Variants in ATG14 observed in about 807,000 individuals in gnomAD.
The protein encoded by ATG14 is beclin 1-associated autophagy-related key regulator.
A neutral mutation model predicts 60.4 loss-of-function variants in ATG14; 35 were observed. That is an observed-to-expected ratio of 0.58 (90% confidence interval 0.44 to 0.77). ATG14 has a LOEUF of 0.77. Among genes scored for constraint, ATG14 ranks in the 30% least tolerant of loss-of-function variants. ATG14 has a pLI of 0.00. For missense variants in ATG14, 647 were observed against 626.3 expected (o/e 1.03, Z -0.35); for synonymous variants, 234 against 228.8 (o/e 1.02, Z -0.21).
At chr14:55,371,546 C>G (rs866667945) in intron 9 of ATG14, among the ~76,000 whole-genome samples, 7 of 151,698 alleles carry the variant, frequency 4.6e-5, no homozygotes, top group Non-Finnish European at 1.0e-4. Context: ...GTGGCTCACA[C>G]CTGTAATCCC....
In ATG14 at chr14:55,368,973, GAA is replaced by G. The variant is rs776412146; in HGVS notation, c.*644_*645del. 1.3e-3 allele frequency: 199 copies of G among 152,598 alleles called. No homozygotes were observed. Among genetic ancestry groups the G allele is most frequent in the Non-Finnish European group, 2.6e-4 (18 of 67,986 alleles). The allele number at this position is 152,598 out of a possible 1,614,324, so 9.5% of individuals were successfully genotyped here. A position where few individuals can be genotyped will look rare whatever the true frequency, so the allele number is the denominator to read the frequency against. On this transcript the variant is annotated 3_prime_UTR_variant, in exon 10 of 10. Coordinates refer to ENST00000247178, the MANE Select transcript of ATG14 (RefSeq NM_014924.5). ...TCCATTTATGGATGTGGGTCCTAAA[GAA>G]AAAGACTTTCATTTTCTTTGGTGTG...
chr14:55,404,901 A>T (rs539377960), intron 1 of ATG14, among the ~76,000 whole-genome samples: 2 of 152,358 alleles, frequency 1.3e-5, no homozygotes, highest in Admixed American at 6.5e-5. Context: ...CTCTGCTTAA[A>T]ATACATTAAT....
chr14:55,396,455 T>C (rs1353282485), intron 2 of ATG14, among the ~76,000 whole-genome samples: 1 of 152,274 alleles, frequency 6.6e-6, no homozygotes, highest in African/African-American at 2.4e-5. Flanking sequence ...GTTTCTCTAA[T>C]ACAGAATATC....
At chr14:55,396,746 G>C (rs1885320094) in intron 2 of ATG14, among the ~76,000 whole-genome samples, 1 of 152,140 alleles carries the variant, frequency 6.6e-6, no homozygotes, top group Admixed American at 6.5e-5. Context: ...TGCATCTAGG[G>C]AGCAGGTTTT....
rs181614548 is a variant in ATG14 at position 55,396,269 on chromosome 14, C to T, written c.285-287G>A. Among the ~76,000 whole-genome samples the T allele has an allele frequency of 1.1e-4, 17 of 152,234 alleles. No homozygotes were observed. In the South Asian group the frequency reaches 2.1e-3, roughly 19 times the overall value. ...TCAGTCATCATCAGTAACTGCCATC[C>T]GTCATAATTCATAGCAATAGTTACA... On this transcript the variant is annotated intron_variant, in intron 2 of 9. Coordinates refer to ENST00000247178, the MANE Select transcript of ATG14 (RefSeq NM_014924.5).
intron 1 of ATG14, among the ~76,000 whole-genome samples, chr14:55,397,943 C>CTTTTTTTTT (rs928087584): frequency 3.8e-5 from 4 of 105,556 alleles, no homozygotes; most frequent in South Asian, 3.3e-4. Flanking sequence ...TGCAGTAATT[C>CTTTTTTTTT]TTTTTTTTTT....
intron 4 of ATG14, among the ~76,000 whole-genome samples, chr14:55,387,174 C>G (rs185672648): frequency 1.3e-5 from 2 of 152,296 alleles, no homozygotes; most frequent in East Asian, 3.9e-4. Flanking sequence ...CAGTGGTTCT[C>G]CACTGCCCAT....
At chr14:55,401,761 A>G (rs1160631464) in intron 1 of ATG14, among the ~76,000 whole-genome samples, 1 of 152,180 alleles carries the variant, frequency 6.6e-6, no homozygotes, top group Admixed American at 6.5e-5. Flanking sequence ...CCCCAGTGGC[A>G]CCAGAGAAAG....
chr14:55,373,234 A>G (rs1350785193), intron 9 of ATG14, among the ~76,000 whole-genome samples: 2 of 152,196 alleles, frequency 1.3e-5, no homozygotes, highest in Non-Finnish European at 2.9e-5. Flanking sequence ...AAGACCCTGA[A>G]CCAGGAATAC....
chr14:55,382,814 T>A (rs1885058392), intron 5 of ATG14, among the ~76,000 whole-genome samples: 1 of 152,200 alleles, frequency 6.6e-6, no homozygotes, highest in South Asian at 2.1e-4. Context: ...TCTCTACGTG[T>A]TTAAAACACT....
chr14:55,396,119 T>C (rs901622414), intron 2 of ATG14, 137 bp from the exon 3 acceptor site: 5 of 593,144 alleles, frequency 8.4e-6, no homozygotes, highest in East Asian at 3.3e-5. Context: ...GCATTTAAAG[T>C]GTTTTCCAAA....
intron 5 of ATG14, 114 bp downstream of exon 5, chr14:55,385,745 C>T (rs1386720900): frequency 4.3e-6 from 4 of 937,140 alleles, no homozygotes; most frequent in Non-Finnish European, 6.4e-6. Context: ...TATGTTCCAT[C>T]ACCAGGAAAA....
intron 6 of ATG14, 67 bp downstream of exon 6, chr14:55,381,895 T>C: frequency 2.1e-6 from 3 of 1,395,670 alleles, no homozygotes; most frequent in South Asian, 2.4e-5. Context: ...AGCTCTTCAT[T>C]TTGTTATGTC....
chr14:55,400,152 C>G (rs1885373932), intron 1 of ATG14, among the ~76,000 whole-genome samples: 1 of 152,146 alleles, frequency 6.6e-6, no homozygotes, highest in Non-Finnish European at 1.5e-5. Flanking sequence ...GCTGCAACTG[C>G]TCACTCAGTC....
rs778621989 is a variant in ATG14 at position 55,380,569 on chromosome 14, T to G, written c.995+4A>C. On this transcript the variant is annotated splice_donor_region_variant and intron_variant, in intron 7 of 9. Coordinates refer to ENST00000247178, the MANE Select transcript of ATG14 (RefSeq NM_014924.5). The stretch of plus-strand genomic sequence containing the variant: ...AGATGACATTACCACCTTCAATTAC[T>G]TGCCTGTTGCAGAGCTTTTTGGGAA... 1.3e-6 allele frequency: 2 copies of G among 1,580,214 alleles called. No homozygotes were observed. Among genetic ancestry groups the G allele is most frequent in the South Asian group, 1.1e-5 (1 of 88,760 alleles).
At chr14:55,372,209 A>G (rs1884834673) in intron 9 of ATG14, among the ~76,000 whole-genome samples, 1 of 152,034 alleles carries the variant, frequency 6.6e-6, no homozygotes, top group Non-Finnish European at 1.5e-5. Context: ...TGGGGTCACC[A>G]GGGCTACCTG....
Position 55,377,908 on chromosome 14 carries a change from A to G in ATG14, c.1087-4T>C. 1 of 1,600,704 alleles carries G rather than the reference A, an allele frequency of 6.2e-7. No homozygotes were observed. Among genetic ancestry groups the G allele is most frequent in the Non-Finnish European group, 8.5e-7 (1 of 1,174,828 alleles). On this transcript the variant is annotated splice_polypyrimidine_tract_variant and splice_region_variant and intron_variant, in intron 8 of 9. Transcript: ENST00000247178. ...GTAATTGATCTAAATTTACATGCTAAAAAAAATTAAAGAATTGGTTAATAT... is the reference window on the plus strand; with the variant it reads ...GTAATTGATCTAAATTTACATGCTAGAAAAAATTAAAGAATTGGTTAATAT...
intron 1 of ATG14, among the ~76,000 whole-genome samples, chr14:55,400,835 C>T (rs1026760693): frequency 1.3e-5 from 2 of 151,726 alleles, no homozygotes. Flanking sequence ...ACCCGGGAAG[C>T]GGAGGTTGCA....
chr14:55,410,576 G>A (rs1238853311), intron 1 of ATG14, among the ~76,000 whole-genome samples: 1 of 152,206 alleles, frequency 6.6e-6, no homozygotes, highest in East Asian at 1.9e-4. Flanking sequence ...CACGATCACA[G>A]AAATACTAAG....
Sources: gnomAD v4.1 joint callset for allele counts (sites outside exome capture counted in the v4.1 genomes callset) on GRCh38, gnomAD v4.1.1 for gene constraint, MANE v1.5 for transcripts, NCBI Gene and HGNC (gene_info 2026-07-23, HGNC 2026-07-21) for gene names.